PCDHA2: variants seen among roughly 807,000 people sequenced by gnomAD.
PCDHA2 encodes the protein protocadherin alpha-2.
In PCDHA2, 58 loss-of-function variants were observed where a neutral mutation model predicts 66.0. That is an observed-to-expected ratio of 0.88 (90% CI 0.71 to 1.09). PCDHA2 has a LOEUF of 1.09. PCDHA2 is among the 50% of genes least tolerant of loss of function. The pLI, the probability that PCDHA2 is intolerant of heterozygous loss-of-function variation, is 0.00. For missense variants in PCDHA2, 1,267 were observed against 1,242.3 expected (o/e 1.02, Z -0.30); for synonymous variants, 634 against 554.0 (o/e 1.14, Z -2.03).
chr5:140,877,969 A>G (rs2057419330), intron 1 of PCDHA2: 1 of 1,276,842 alleles, frequency 7.8e-7, no homozygotes, highest in African/African-American at 1.5e-5. Flanking sequence ...TTTCTTGGTC[A>G]TTCTTACTCA....
intron 1 of PCDHA2, among the ~76,000 whole-genome samples, chr5:140,914,901 G>A (rs2076874560): frequency 6.8e-6 from 1 of 147,044 alleles, no homozygotes; most frequent in African/African-American, 2.5e-5. Flanking sequence ...TTAACTTTGT[G>A]TTGTTTCTCT....
At chr5:140,965,853 A>G (rs1554227879) in intron 1 of PCDHA2, among the ~76,000 whole-genome samples, 2 of 152,220 alleles carry the variant, frequency 1.3e-5, no homozygotes, top group Non-Finnish European at 2.9e-5. Flanking sequence ...CAAGGCACAC[A>G]CTGAAAATAA....
At chr5:140,901,452 A>G (rs1352830826) in intron 1 of PCDHA2, among the ~76,000 whole-genome samples, 1 of 152,120 alleles carries the variant, frequency 6.6e-6, no homozygotes, top group African/African-American at 2.4e-5. Flanking sequence ...TTCCCAGCAC[A>G]GACTGTCTTT....
intron 1 of PCDHA2, chr5:140,828,135 T>C (rs1769546184): frequency 1.2e-6 from 2 of 1,613,866 alleles, no homozygotes; most frequent in East Asian, 4.5e-5. Flanking sequence ...CAATGTCTGC[T>C]CCTCCCGCTT....
chr5:140,871,695 T>C (rs1250599377), intron 1 of PCDHA2: 7 of 974,792 alleles, frequency 7.2e-6, no homozygotes, highest in Non-Finnish European at 8.8e-6. Flanking sequence ...CTGGCTTCTT[T>C]AACCAATAAA....
intron 3 of PCDHA2, among the ~76,000 whole-genome samples, chr5:140,989,538 T>TAAA (rs2097347158): frequency 6.6e-6 from 1 of 152,180 alleles, no homozygotes; most frequent in Non-Finnish European, 1.5e-5. Flanking sequence ...GAAGATAGTT[T>TAAA]GTAATTCCTT....
At chr5:140,850,781 G>C (rs2150498025) in intron 1 of PCDHA2, 2 of 1,598,096 alleles carry the variant, frequency 1.3e-6, no homozygotes, top group African/African-American at 2.7e-5. Context: ...GCTCTGGCGA[G>C]GGTAAGCAGA....
At chr5:140,927,212 T>C (rs150770754) in intron 1 of PCDHA2, 20 of 1,614,012 alleles carry the variant, frequency 1.2e-5, no homozygotes, top group African/African-American at 1.1e-4. Flanking sequence ...CCGCTGGAGC[T>C]GCACAAGATT....
At chr5:140,851,027 C>T (rs782593711) in intron 1 of PCDHA2, 2 of 1,410,074 alleles carry the variant, frequency 1.4e-6, no homozygotes, top group South Asian at 1.8e-5. Context: ...TAAAGTAAAC[C>T]CCTTAACATT....
At chr5:140,968,668 G>A (rs1365342675) in intron 1 of PCDHA2, 3 of 1,614,038 alleles carry the variant, frequency 1.9e-6, no homozygotes, top group African/African-American at 1.3e-5. Flanking sequence ...ACCTCTTTAA[G>A]GTAGAGCTGC....
At chr5:140,899,193 G>T (rs2153463118) in intron 1 of PCDHA2, among the ~76,000 whole-genome samples, 1 of 151,990 alleles carries the variant, frequency 6.6e-6, no homozygotes, top group Middle Eastern at 3.4e-3. Context: ...TCCTTCTCCT[G>T]CCTAATTGCC....
At chr5:140,877,296 C>A (rs781799440) in intron 1 of PCDHA2, 2 of 1,613,942 alleles carry the variant, frequency 1.2e-6, no homozygotes, top group Non-Finnish European at 1.7e-6. Context: ...CTTGGCTGTC[C>A]TACGAGTTGC....
At chr5:140,922,386 T>G (rs1554200798) in intron 1 of PCDHA2, among the ~76,000 whole-genome samples, 1 of 152,194 alleles carries the variant, frequency 6.6e-6, no homozygotes, top group African/African-American at 2.4e-5. Context: ...AACCAAAGAC[T>G]CCTTGTTTTG....
rs2150325780 is a variant in PCDHA2 at position 140,841,933 on chromosome 5, C to A, written c.2388+44581C>A. 1.5e-5 allele frequency: 24 copies of A among 1,613,740 alleles called. 1 individual carries two copies. Among genetic ancestry groups the A allele is most frequent in the South Asian group, 4.4e-5 (4 of 91,086 alleles). ...TAAGAAAATCCTTGGACAGAGAGGA[C>A]GCTCCTGCGCACCACTTATTCCTGA... On this transcript the variant is annotated intron_variant, in intron 1 of 3. Transcript: ENST00000526136.
rs2150341132 is a variant in PCDHA2, at chr5:140,842,649, T to C, written c.2388+45297T>C. The C allele has an allele frequency of 5.7e-5, 91 of 1,595,206 alleles. 10 individuals are homozygous for C. The Admixed American group carries it at 1.5e-3, about 27-fold the overall frequency. On this transcript the variant is annotated intron_variant, in intron 1 of 3. Transcript: ENST00000526136. ...CTGTGGGCCACCGCCAGCTTGTCTG[T>C]GGAGGTGGCCGACGTGAACGACAAT... is the stretch of plus-strand genomic sequence containing the variant.
chr5:140,875,506 C>A, intron 1 of PCDHA2: 1 of 1,613,618 alleles, frequency 6.2e-7, no homozygotes, highest in Non-Finnish European at 8.5e-7. Flanking sequence ...CCCGGGATCC[C>A]AGCGTCTGCT....
rs2150481725 is a variant in PCDHA2, at chr5:140,850,382, C to A, written c.2388+53030C>A. On this transcript the variant is annotated intron_variant, in intron 1 of 3. Transcript: ENST00000526136. ...CGTTCCGCGTGGGGCTGTACACGGG[C>A]GAGATCAGCACAACGCGTGCCCTGG... 3.2e-5 allele frequency: 51 copies of A among 1,597,762 alleles called. 3 individuals are homozygous for A. In the African/African-American group the frequency reaches 5.9e-4, roughly 19 times the overall value.
At chr5:140,870,139 T>C in intron 1 of PCDHA2, 1 of 1,613,992 alleles carries the variant, frequency 6.2e-7, no homozygotes, top group Non-Finnish European at 8.5e-7. Flanking sequence ...CAACGATAAC[T>C]CTCCTGAAGT....
At chr5:140,827,327 G>A (rs2150084598) in intron 1 of PCDHA2, among the ~76,000 whole-genome samples, 1 of 152,306 alleles carries the variant, frequency 6.6e-6, no homozygotes, top group East Asian at 1.9e-4. Flanking sequence ...ACTAGAATTT[G>A]AAGTGGTGAA....
Sources: allele counts gnomAD v4.1 joint callset (sites outside exome capture counted in the v4.1 genomes callset), GRCh38; gene constraint gnomAD v4.1.1; transcripts MANE v1.5; gene names NCBI Gene and HGNC (gene_info 2026-07-23, HGNC 2026-07-21).